The following SLC25A21 variants were observed in gnomAD, a reference collection of about 807,000 sequenced individuals.
SLC25A21 encodes the protein mitochondrial 2-oxodicarboxylate carrier.
A neutral mutation model predicts 43.8 loss-of-function variants in SLC25A21; 47 were observed. The ratio of observed to expected loss-of-function variants is 1.07; its 90% CI spans 0.85 to 1.37. SLC25A21 has a LOEUF of 1.37. SLC25A21 is among the 40% of genes most tolerant of loss of function. SLC25A21 has a pLI of 0.00. For missense variants in SLC25A21, 352 were observed against 350.2 expected (o/e 1.00, Z -0.04); for synonymous variants, 131 against 121.3 (o/e 1.08, Z -0.52).
intron 7 of SLC25A21, among the ~76,000 whole-genome samples, chr14:36,687,962 T>G (rs923013029): frequency 6.6e-6 from 1 of 152,202 alleles, no homozygotes; most frequent in Non-Finnish European, 1.5e-5. Flanking sequence ...AAAGACAAAC[T>G]GCCTCACTTG....
chr14:36,844,062 C>A (rs1889468848), intron 2 of SLC25A21, among the ~76,000 whole-genome samples: 1 of 152,168 alleles, frequency 6.6e-6, no homozygotes, highest in Non-Finnish European at 1.5e-5. Context: ...GATGTGTGCA[C>A]TTTTCAGTGT....
chr14:37,111,970 T>G (rs1405120872), intron 1 of SLC25A21, among the ~76,000 whole-genome samples: 5 of 152,216 alleles, frequency 3.3e-5, no homozygotes, highest in Non-Finnish European at 7.3e-5. Flanking sequence ...TTCAATAAAT[T>G]GTTTTGCACC....
At position 37,039,601 on chromosome 14, in the gene SLC25A21, T is replaced by C. The variant is rs75721850; in HGVS notation, c.70+132680A>G. 5.2e-4 allele frequency among the ~76,000 whole-genome samples: 79 copies of C among 152,340 alleles called. No homozygotes were observed. The East Asian group carries it at 0.013, about 26-fold the overall frequency. ...TGAAGGTATCACTACTGCATTTGTT[T>C]TATCACTGAGTAGTCTTTCATTGTA... On this transcript the variant is annotated intron_variant, in intron 1 of 9. Coordinates refer to ENST00000331299, the MANE Select transcript of SLC25A21 (RefSeq NM_030631.4).
chr14:37,095,760 C>A (rs1962677141), intron 1 of SLC25A21, among the ~76,000 whole-genome samples: 1 of 151,028 alleles, frequency 6.6e-6, no homozygotes, highest in African/African-American at 2.4e-5. Flanking sequence ...GTGAGATATC[C>A]TGTCTTTAAA....
At chr14:36,837,335 G>A (rs1262844784) in intron 2 of SLC25A21, among the ~76,000 whole-genome samples, 1 of 152,108 alleles carries the variant, frequency 6.6e-6, no homozygotes, top group Non-Finnish European at 1.5e-5. Context: ...GGAGAAGGAG[G>A]AGGTGAAGGG....
chr14:36,888,748 T>C (rs1274131614), intron 1 of SLC25A21, among the ~76,000 whole-genome samples: 3 of 152,154 alleles, frequency 2.0e-5, no homozygotes, highest in Non-Finnish European at 1.5e-5. Flanking sequence ...CACATCATCT[T>C]ACTAAATGAA....
At chr14:37,079,060 T>C (rs1962336827) in intron 1 of SLC25A21, among the ~76,000 whole-genome samples, 1 of 152,222 alleles carries the variant, frequency 6.6e-6, no homozygotes, top group South Asian at 2.1e-4. Context: ...ATAGTTTCTT[T>C]AAATCATCAC....
intron 1 of SLC25A21, among the ~76,000 whole-genome samples, chr14:37,116,527 T>G (rs1963109531): frequency 6.6e-6 from 1 of 152,166 alleles, no homozygotes; most frequent in Admixed American, 6.5e-5. Flanking sequence ...ATAATAGCTA[T>G]GTTCTCATTT....
chr14:37,141,045 CTG>C (rs1963562089), intron 1 of SLC25A21, among the ~76,000 whole-genome samples: 1 of 152,152 alleles, frequency 6.6e-6, no homozygotes, highest in African/African-American at 2.4e-5. Flanking sequence ...ACTTGGGAGA[CTG>C]AGTCAGGAGA....
At chr14:36,935,151 T>C (rs1216372757) in intron 1 of SLC25A21, among the ~76,000 whole-genome samples, 1 of 152,186 alleles carries the variant, frequency 6.6e-6, no homozygotes, top group Non-Finnish European at 1.5e-5. Context: ...CCTAAAACCC[T>C]GGCTGGTATA....
chr14:36,861,963 A>G (rs1262059693), intron 2 of SLC25A21, among the ~76,000 whole-genome samples: 19 of 152,214 alleles, frequency 1.2e-4, no homozygotes, highest in Admixed American at 1.2e-3. Flanking sequence ...ATGAACAGAC[A>G]GTTCTCAAAA....
chr14:36,802,247 AT>A (rs1887893646), intron 3 of SLC25A21, among the ~76,000 whole-genome samples: 1 of 152,186 alleles, frequency 6.6e-6, no homozygotes, highest in South Asian at 2.1e-4. Flanking sequence ...ACTAGTAATT[AT>A]TCAATTAAAT....
intron 4 of SLC25A21, among the ~76,000 whole-genome samples, chr14:36,732,380 A>C (rs1192903933): frequency 2.6e-5 from 4 of 152,030 alleles, no homozygotes; most frequent in Admixed American, 2.0e-4. Flanking sequence ...GTGAAGCTCA[A>C]GACTGGACCC....
chr14:36,908,228 A>G (rs1026504318), intron 1 of SLC25A21, among the ~76,000 whole-genome samples: 8 of 152,198 alleles, frequency 5.3e-5, no homozygotes, highest in African/African-American at 1.7e-4. Flanking sequence ...ATGGCCTTTG[A>G]TATAATGATA....
At chr14:37,083,523 C>T (rs1325140976) in intron 1 of SLC25A21, among the ~76,000 whole-genome samples, 1 of 152,174 alleles carries the variant, frequency 6.6e-6, no homozygotes, top group Non-Finnish European at 1.5e-5. Flanking sequence ...ATTATAATCA[C>T]CATTTTACCA....
At chr14:36,754,757 T>C (rs1885861550) in intron 3 of SLC25A21, among the ~76,000 whole-genome samples, 1 of 152,010 alleles carries the variant, frequency 6.6e-6, no homozygotes, top group Non-Finnish European at 1.5e-5. Context: ...GATAAAAGTA[T>C]AATACAAGGA....
At chr14:37,114,725 T>C (rs931373970) in intron 1 of SLC25A21, among the ~76,000 whole-genome samples, 2 of 152,304 alleles carry the variant, frequency 1.3e-5, no homozygotes, top group South Asian at 2.1e-4. Context: ...TCCTGTTGTT[T>C]ACACATTCAA....
At chr14:36,766,674 G>C (rs1426113437) in intron 3 of SLC25A21, among the ~76,000 whole-genome samples, 7 of 152,220 alleles carry the variant, frequency 4.6e-5, no homozygotes, top group Admixed American at 1.3e-4. Context: ...CATTTGCTCT[G>C]GTTTCTCCAT....
At chr14:36,965,179 T>C (rs117398747) in intron 1 of SLC25A21, among the ~76,000 whole-genome samples, 2,328 of 152,282 alleles carry the variant, frequency 0.015, 24 homozygotes, top group Non-Finnish European at 0.022. Context: ...AAACTAAAAA[T>C]GGTCCCTTTT....
Sources: allele counts gnomAD v4.1 joint callset (sites outside exome capture counted in the v4.1 genomes callset), GRCh38; gene constraint gnomAD v4.1.1; transcripts MANE v1.5; gene names NCBI Gene and HGNC (gene_info 2026-07-23, HGNC 2026-07-21).